ADCY10: variants seen among roughly 807,000 people sequenced by gnomAD.
ADCY10 encodes the protein adenylate cyclase type 10.
A neutral mutation model predicts 183.3 loss-of-function variants in ADCY10; 156 were observed. The ratio of observed to expected loss-of-function variants is 0.85; its 90% CI spans 0.75 to 0.97. The LOEUF is 0.97. Ranked by LOEUF, ADCY10 falls within the 50% of genes least tolerant of loss-of-function variation. The probability of loss-of-function intolerance (pLI) is 0.00; values close to 1 mark genes in which losing one functional copy is unlikely to be tolerated. For missense variants in ADCY10, 1,745 were observed against 1,934.3 expected (o/e 0.90, Z 1.84); for synonymous variants, 645 against 670.0 (o/e 0.96, Z 0.58).
chr1:167,815,059 A>C (rs533135024), intron 31 of ADCY10, among the ~76,000 whole-genome samples: 6 of 152,190 alleles, frequency 3.9e-5, no homozygotes, highest in Admixed American at 2.6e-4. Flanking sequence ...TAGGAGACGG[A>C]GGTTGCAGTG....
At chr1:167,887,400 A>G (rs1313137345) in intron 8 of ADCY10, among the ~76,000 whole-genome samples, 1 of 152,242 alleles carries the variant, frequency 6.6e-6, no homozygotes, top group Non-Finnish European at 1.5e-5. Flanking sequence ...TTGTAGGGAC[A>G]TGGATGAAGT....
intron 31 of ADCY10, among the ~76,000 whole-genome samples, chr1:167,813,561 T>C (rs1662348445): frequency 1.3e-5 from 2 of 151,956 alleles, no homozygotes; most frequent in Admixed American, 1.3e-4. Flanking sequence ...AAAGGAGCCC[T>C]GTAGGGTAAA....
chr1:167,870,646 A>AG (rs1667038165), intron 13 of ADCY10, among the ~76,000 whole-genome samples: 1 of 150,434 alleles, frequency 6.6e-6, no homozygotes, highest in Admixed American at 6.6e-5. Flanking sequence ...TACAAAAAAA[A>AG]AAAAAAAAAA....
At chr1:167,881,509 C>T (rs1667866984) in intron 9 of ADCY10, among the ~76,000 whole-genome samples, 1 of 152,198 alleles carries the variant, frequency 6.6e-6, no homozygotes, top group Non-Finnish European at 1.5e-5. Flanking sequence ...TAGGTACGTG[C>T]AAAGAGGGCA....
intron 23 of ADCY10, among the ~76,000 whole-genome samples, chr1:167,835,504 G>C (rs1664129567): frequency 6.6e-6 from 1 of 152,202 alleles, no homozygotes; most frequent in Admixed American, 6.5e-5. Flanking sequence ...ACATTCACTA[G>C]TGCTTTGGTG....
intron 31 of ADCY10, among the ~76,000 whole-genome samples, chr1:167,815,580 T>C (rs531902505): frequency 6.6e-6 from 1 of 152,310 alleles, no homozygotes; most frequent in South Asian, 2.1e-4. Context: ...ACCATCACAT[T>C]ACTAAAGACT....
chr1:167,869,156 A>G (rs1275833489), intron 14 of ADCY10, among the ~76,000 whole-genome samples: 2 of 152,224 alleles, frequency 1.3e-5, no homozygotes, highest in African/African-American at 4.8e-5. Flanking sequence ...CCCTGAAGCC[A>G]TGTTTAGAAG....
chr1:167,842,012 A>C (rs1342597034), intron 21 of ADCY10, among the ~76,000 whole-genome samples: 1 of 152,244 alleles, frequency 6.6e-6, no homozygotes, highest in Non-Finnish European at 1.5e-5. Context: ...GACAGCCCCC[A>C]GGAGGGTAAA....
At chr1:167,891,830 T>A (rs532719701) in intron 8 of ADCY10, among the ~76,000 whole-genome samples, 23 of 152,312 alleles carry the variant, frequency 1.5e-4, no homozygotes, top group African/African-American at 5.5e-4. Context: ...AAACACATTT[T>A]CTAGATTAAA....
intron 14 of ADCY10, among the ~76,000 whole-genome samples, chr1:167,864,892 C>T (rs879653023): frequency 1.2e-5 from 1 of 80,634 alleles, no homozygotes; most frequent in African/African-American, 5.5e-5. Flanking sequence ...GCTTTGCTAA[C>T]AGGAAAAAAA....
In ADCY10 at chr1:167,870,347, C is replaced by T. The variant is rs1279793150; in HGVS notation, c.1526G>A (p.Ser509Asn). Residue 509 changes from serine (S) to asparagine (N), a missense_variant, in exon 14 of 33, where the codon AGC becomes AAC. Ser to Asn is a conservative substitution (Grantham distance 46, BLOSUM62 1). Transcript: ENST00000367851. ...TMKKFLISNS[S>N]QVLMYEGLPG... The stretch of plus-strand genomic sequence containing the variant: ...TAATCCCTCATACATTAAGACTTGG[C>T]TGCTGTTAGATATCAAAAATTTCTT... 1 of 1,613,660 alleles carries T rather than the reference C, an allele frequency of 6.2e-7. No homozygotes were observed. The highest frequency in any genetic ancestry group is 1.3e-5 in the African/African-American group (1 of 74,880).
intron 12 of ADCY10, among the ~76,000 whole-genome samples, chr1:167,876,772 C>T (rs1182702994): frequency 6.6e-6 from 1 of 152,204 alleles, no homozygotes; most frequent in African/African-American, 2.4e-5. Flanking sequence ...GCAGAGTCCT[C>T]TCATTCTGGA....
At chr1:167,875,337 G>A (rs1667376685) in intron 12 of ADCY10, 151 bp from the exon 13 acceptor site, 1 of 755,250 alleles carries the variant, frequency 1.3e-6, no homozygotes, top group African/African-American at 1.7e-5. Flanking sequence ...GCCAAAAGAA[G>A]GAGAAACGAG....
At chr1:167,868,119 A>G (rs1452670607) in intron 14 of ADCY10, among the ~76,000 whole-genome samples, 4 of 152,222 alleles carry the variant, frequency 2.6e-5, no homozygotes, top group Non-Finnish European at 5.9e-5. Context: ...CAGACTTTCT[A>G]TGATTAACTA....
In ADCY10 at chr1:167,829,322, T is replaced by A; in HGVS notation, c.3695A>T (p.His1232Leu). ...ATTCATTTGCATCATAACTGCCAGGTGGGCATAATACTTGCAGTGAAAAAG... is the reference window on the plus strand; with the variant it reads ...ATTCATTTGCATCATAACTGCCAGGAGGGCATAATACTTGCAGTGAAAAAG... ...SYLFHCKYYA[H>L]LAVMMQMNTA... The change falls in exon 26 of 33, where the codon CAC becomes CTC. Residue 1232 changes from histidine to leucine, a missense_variant. By Grantham distance (99) the His-to-Leu change is moderately conservative. Transcript: ENST00000367851. The A allele has an allele frequency of 6.2e-7, 1 of 1,614,126 alleles. No homozygotes were observed. The highest frequency in any genetic ancestry group is 8.5e-7 in the Non-Finnish European group (1 of 1,179,958).
chr1:167,876,047 A>G lies in ADCY10; in HGVS notation c.1407-861T>C, dbSNP rs562245761. On this transcript the variant is annotated intron_variant, in intron 12 of 32. Coordinates refer to ENST00000367851, the MANE Select transcript of ADCY10 (RefSeq NM_018417.6). ...CGAGGCAGGTGGATCATCTGAGGTC[A>G]GGAGTTTGAGACCAGCCTGACCAAC... Among the ~76,000 whole-genome samples the G allele has an allele frequency of 4.6e-5, 7 of 152,322 alleles. No individual in the cohort carries two copies. In the South Asian group the frequency reaches 6.2e-4, roughly 14 times the overall value.
At chr1:167,834,138 G>A in intron 23 of ADCY10, 61 bp from the exon 24 acceptor site, 1 of 1,287,516 alleles carries the variant, frequency 7.8e-7, no homozygotes, top group Admixed American at 1.7e-5. Flanking sequence ...CCACAGAAGG[G>A]CCATTGCCCC....
chr1:167,880,385 T>C, intron 10 of ADCY10, 106 bp downstream of exon 10: 1 of 1,006,316 alleles, frequency 9.9e-7, no homozygotes, highest in Non-Finnish European at 1.6e-6. Flanking sequence ...GACACAGGAC[T>C]AAGTTCTTAA....
At chr1:167,913,811 C>G (rs1405996334) in intron 1 of ADCY10, among the ~76,000 whole-genome samples, 165 bp downstream of exon 1, 6 of 152,212 alleles carry the variant, frequency 3.9e-5, no homozygotes, top group African/African-American at 1.2e-4. Context: ...CTTCAAGCTT[C>G]TAAGCTCATG....
Sources: allele counts gnomAD v4.1 joint callset (sites outside exome capture counted in the v4.1 genomes callset), GRCh38; gene constraint gnomAD v4.1.1; transcripts MANE v1.5; gene names NCBI Gene and HGNC (gene_info 2026-07-23, HGNC 2026-07-21).